The following SMYD3 variants were observed in gnomAD, a reference collection of about 807,000 sequenced individuals.
The protein encoded by SMYD3 is SET and MYND domain containing 3.
Under a neutral mutation model 57.7 loss-of-function variants are expected in SMYD3, and 36 were observed. The ratio of observed to expected loss-of-function variants is 0.62; its 90% CI spans 0.48 to 0.82. The LOEUF is 0.82. SMYD3 is among the 40% of genes least tolerant of loss of function. The pLI is 0.00. For synonymous variants in SMYD3, 211 were observed against 195.0 expected (o/e 1.08, Z -0.68); for missense variants, 515 against 538.8 (o/e 0.96, Z 0.44).
In SMYD3 at chr1:245,915,660, G is replaced by A. The variant is rs2055353551; in HGVS notation, c.703-20C>T. On this transcript the variant is annotated intron_variant, in intron 7 of 11. Coordinates refer to ENST00000490107, the MANE Select transcript of SMYD3 (RefSeq NM_001167740.2). Reference sequence around the variant, plus strand: ...GGTGAGCTGTGCAGGCCAGAGAGAGGGAAGCGCTGAAACATCTGCTGTGCT... The same window carrying A: ...GGTGAGCTGTGCAGGCCAGAGAGAGAGAAGCGCTGAAACATCTGCTGTGCT... 6.6e-7 allele frequency: 1 copy of A among 1,508,070 alleles called. No individual in the cohort carries two copies. The highest frequency in any genetic ancestry group is 1.1e-5 in the South Asian group (1 of 87,122). 93.4% of individuals were successfully genotyped at this position (1,508,070 alleles called of 1,614,324 possible). A position where few individuals can be genotyped will look rare whatever the true frequency, so the allele number is the denominator to read the frequency against.
At chr1:246,506,995 C>CCCCCCCCCCCCCCCCCCCCCCCCCA in intron 1 of SMYD3, 59 bp downstream of exon 1, 1 of 825,156 alleles carries the variant, frequency 1.2e-6, no homozygotes. Context: ...CGACGCCCCC[C>CCCCCCCCCCCCCCCCCCCCCCCCCA]CCTCCCCAGC....
At chr1:246,039,903 T>C (rs1165286859) in intron 5 of SMYD3, among the ~76,000 whole-genome samples, 1 of 152,102 alleles carries the variant, frequency 6.6e-6, no homozygotes, top group Non-Finnish European at 1.5e-5. Flanking sequence ...AAAAGGGATA[T>C]GAGAAGAAGA....
chr1:246,454,411 C>T (rs1198306181), intron 1 of SMYD3, among the ~76,000 whole-genome samples: 1 of 152,066 alleles, frequency 6.6e-6, no homozygotes, highest in Non-Finnish European at 1.5e-5. Context: ...CAAAGCAATA[C>T]ATGAAAAGAA....
chr1:246,316,719 G>A (rs1219043902), intron 5 of SMYD3, among the ~76,000 whole-genome samples: 1 of 148,572 alleles, frequency 6.7e-6, no homozygotes, highest in African/African-American at 2.4e-5. Context: ...TTAAAGGCCA[G>A]GCACGGTGGC....
chr1:246,206,132 G>A (rs1358107384), intron 5 of SMYD3, among the ~76,000 whole-genome samples: 1 of 152,054 alleles, frequency 6.6e-6, no homozygotes, highest in Non-Finnish European at 1.5e-5. Flanking sequence ...TCAATTAGAT[G>A]TGGAAATACT....
intron 1 of SMYD3, among the ~76,000 whole-genome samples, chr1:246,437,601 T>C (rs895502269): frequency 6.6e-6 from 1 of 152,250 alleles, no homozygotes; most frequent in Non-Finnish European, 1.5e-5. Context: ...ATGCTTTTTC[T>C]GTACACAATT....
chr1:245,777,312 A>T (rs2046644789), intron 10 of SMYD3, among the ~76,000 whole-genome samples: 1 of 152,258 alleles, frequency 6.6e-6, no homozygotes, highest in South Asian at 2.1e-4. Context: ...GTTCTTGTCC[A>T]TAGAAAATGA....
At chr1:246,041,352 T>A (rs947386505) in intron 5 of SMYD3, among the ~76,000 whole-genome samples, 1 of 152,212 alleles carries the variant, frequency 6.6e-6, no homozygotes, top group African/African-American at 2.4e-5. Context: ...AATGACTTCA[T>A]GTTTCTCACT....
rs751591062 is a variant in SMYD3, at chr1:246,470,410, C to T, written c.164+36644G>A. ...ACTCAGGAGGCCGAGGCAGGAGAAT[C>T]GCTTGAACGTGGAAGGCGGAGGTTG... On this transcript the variant is annotated intron_variant, in intron 1 of 11. Coordinates refer to ENST00000490107, the MANE Select transcript of SMYD3 (RefSeq NM_001167740.2). Among the ~76,000 whole-genome samples, 61 of 151,648 alleles carry T rather than the reference C, an allele frequency of 4.0e-4. 2 individuals carry two copies. In the East Asian group the frequency reaches 6.4e-3, roughly 16 times the overall value.
At chr1:245,959,392 A>G (rs1449433449) in intron 5 of SMYD3, among the ~76,000 whole-genome samples, 1 of 152,224 alleles carries the variant, frequency 6.6e-6, no homozygotes, top group East Asian at 1.9e-4. Flanking sequence ...ATCTCAGAAG[A>G]CAGGATGGCA....
intron 10 of SMYD3, 114 bp downstream of exon 10, chr1:245,858,382 A>G: frequency 1.9e-6 from 2 of 1,060,318 alleles, no homozygotes; most frequent in Non-Finnish European, 1.3e-6. Flanking sequence ...ATGGTTGAGA[A>G]GCAGCTGGAA....
At chr1:245,825,954 C>T (rs1363873205) in intron 10 of SMYD3, among the ~76,000 whole-genome samples, 1 of 146,664 alleles carries the variant, frequency 6.8e-6, no homozygotes, top group Admixed American at 7.0e-5. Flanking sequence ...CCTATGAAGG[C>T]AAAGACCTCC....
intron 10 of SMYD3, among the ~76,000 whole-genome samples, chr1:245,837,937 A>G (rs2050183176): frequency 6.6e-6 from 1 of 152,224 alleles, no homozygotes; most frequent in Non-Finnish European, 1.5e-5. Flanking sequence ...GCATAACACA[A>G]TGGAATGTGT....
chr1:245,925,276 T>C (rs77987595), intron 7 of SMYD3, among the ~76,000 whole-genome samples: 1,620 of 152,310 alleles, frequency 0.011, 26 homozygotes, highest in African/African-American at 0.035. Flanking sequence ...CTGCATACGA[T>C]GTGTAATGAT....
At chr1:246,449,493 T>C (rs1045383429) in intron 1 of SMYD3, among the ~76,000 whole-genome samples, 6 of 152,198 alleles carry the variant, frequency 3.9e-5, no homozygotes, top group African/African-American at 1.2e-4. Context: ...GGGACCTGCT[T>C]TGGAGCCAGG....
At chr1:245,816,837 G>A (rs1320932242) in intron 10 of SMYD3, among the ~76,000 whole-genome samples, 1 of 152,174 alleles carries the variant, frequency 6.6e-6, no homozygotes, top group Non-Finnish European at 1.5e-5. Context: ...GCGCTTTTCG[G>A]ACCGGCCTAA....
chr1:245,760,275 G>T (rs946459081), intron 11 of SMYD3, among the ~76,000 whole-genome samples: 3 of 152,144 alleles, frequency 2.0e-5, no homozygotes, highest in African/African-American at 7.2e-5. Flanking sequence ...TATTTCCAGG[G>T]TTTCTAAGAC....
chr1:246,313,914 G>A (rs2065118251), intron 5 of SMYD3, among the ~76,000 whole-genome samples: 1 of 152,160 alleles, frequency 6.6e-6, no homozygotes, highest in South Asian at 2.1e-4. Flanking sequence ...ACTCAATCTG[G>A]AGGGCTCCTG....
At chr1:246,358,604 T>C (rs2065941795) in intron 1 of SMYD3, among the ~76,000 whole-genome samples, 1 of 152,212 alleles carries the variant, frequency 6.6e-6, no homozygotes. Context: ...ATCGAAATTA[T>C]ATCAAGTACT....
Sources: allele counts gnomAD v4.1 joint callset (sites outside exome capture counted in the v4.1 genomes callset), GRCh38; gene constraint gnomAD v4.1.1; transcripts MANE v1.5; gene names NCBI Gene and HGNC (gene_info 2026-07-23, HGNC 2026-07-21).